CPXM2: variants seen among roughly 807,000 people sequenced by gnomAD.
CPXM2 encodes the protein carboxypeptidase X, M14 family member 2.
CPXM2 carries 66 observed loss-of-function variants against 86.1 expected under a neutral mutation model. The ratio of observed to expected loss-of-function variants is 0.77; its 90% CI spans 0.63 to 0.94. The LOEUF (loss-of-function observed/expected upper bound fraction) is 0.94, where lower values mean the gene tolerates loss of function less well. CPXM2 is among the 40% of genes least tolerant of loss of function. The probability of loss-of-function intolerance (pLI) is 0.00; values close to 1 mark genes in which losing one functional copy is unlikely to be tolerated. For missense variants in CPXM2, 948 were observed against 1,026.3 expected (o/e 0.92, Z 1.04); for synonymous variants, 388 against 400.2 (o/e 0.97, Z 0.36).
At chr10:123,806,718 A>G (rs1346303270) in intron 4 of CPXM2, among the ~76,000 whole-genome samples, 1 of 152,138 alleles carries the variant, frequency 6.6e-6, no homozygotes, top group Non-Finnish European at 1.5e-5. Context: ...AAAGGGGAAC[A>G]AGGCACATCT....
chr10:123,860,400 T>C (rs1445368902), intron 3 of CPXM2, among the ~76,000 whole-genome samples: 1 of 152,204 alleles, frequency 6.6e-6, no homozygotes, highest in Non-Finnish European at 1.5e-5. Flanking sequence ...GCACTCAGCA[T>C]GCCTGTCTAC....
chr10:123,819,176 T>C (rs1490579604), intron 4 of CPXM2, among the ~76,000 whole-genome samples: 1 of 152,194 alleles, frequency 6.6e-6, no homozygotes, highest in African/African-American at 2.4e-5. Flanking sequence ...GAAATCAGTC[T>C]ACCATTCCAC....
intron 2 of CPXM2, among the ~76,000 whole-genome samples, chr10:123,878,284 C>CT (rs1254649623): frequency 1.4e-5 from 2 of 145,700 alleles, no homozygotes; most frequent in Non-Finnish European, 3.0e-5. Flanking sequence ...CCTCGACCCC[C>CT]TTTTTTTCTC....
intron 5 of CPXM2, 29 bp from the exon 6 acceptor site, chr10:123,798,155 A>T: frequency 6.4e-7 from 1 of 1,561,854 alleles, no homozygotes; most frequent in Non-Finnish European, 8.7e-7. Flanking sequence ...GAAAAGGAAA[A>T]TCTTTTAGTG....
In CPXM2 at chr10:123,842,508, T is replaced by A. The variant is rs1848409032; in HGVS notation, c.514-20A>T. 2 of 1,611,032 alleles carry A rather than the reference T, an allele frequency of 1.2e-6. No homozygotes were observed. On this transcript the variant is annotated intron_variant, in intron 3 of 13. Coordinates refer to ENST00000241305, the MANE Select transcript of CPXM2 (RefSeq NM_198148.3). ...GCCCGCCTAGAAAGAAAGAAAGCGG[T>A]GTTCTTCAAAAAGACTCTTAATTGA...
rs183248985 is a variant in CPXM2, at chr10:123,862,170, C to T, written c.513+444G>A. Among the ~76,000 whole-genome samples, 244 of 152,266 alleles carry T rather than the reference C, an allele frequency of 1.6e-3. 2 individuals carry two copies. Among genetic ancestry groups the T allele is most frequent in the Middle Eastern group, 0.014 (4 of 292 alleles). ...CCATGCAGGGCTTGACCCGGGGGAA[C>T]ACAATGGAGGGAGCCACAGGAAAGC... On this transcript the variant is annotated intron_variant, in intron 3 of 13. Coordinates refer to ENST00000241305, the MANE Select transcript of CPXM2 (RefSeq NM_198148.3).
At chr10:123,867,416 T>C (rs78196859) in intron 2 of CPXM2, among the ~76,000 whole-genome samples, 2,660 of 152,282 alleles carry the variant, frequency 0.017, 71 homozygotes, top group South Asian at 0.085. Context: ...ATACATAATA[T>C]TGAAATACTC....
intron 2 of CPXM2, among the ~76,000 whole-genome samples, chr10:123,938,510 G>A (rs1413965144): frequency 6.6e-6 from 1 of 152,184 alleles, no homozygotes; most frequent in African/African-American, 2.4e-5. Flanking sequence ...TTACTAGGAA[G>A]GGAACAATTT....
intron 4 of CPXM2, among the ~76,000 whole-genome samples, chr10:123,800,815 T>C (rs1411441797): frequency 6.6e-6 from 1 of 152,192 alleles, no homozygotes; most frequent in Non-Finnish European, 1.5e-5. Context: ...AATCCCCTAC[T>C]TATGTTTGAA....
intron 11 of CPXM2, among the ~76,000 whole-genome samples, chr10:123,759,535 G>A (rs17105947): frequency 0.041 from 6,202 of 152,230 alleles, 169 homozygotes; most frequent in African/African-American, 0.074. Flanking sequence ...CTGAGAATAC[G>A]TGGCCAGAGA....
intron 2 of CPXM2, among the ~76,000 whole-genome samples, chr10:123,867,978 C>A (rs1381223988): frequency 6.6e-6 from 1 of 152,164 alleles, no homozygotes; most frequent in African/African-American, 2.4e-5. Context: ...GCAAAGCATG[C>A]GAGCCACGTA....
intron 3 of CPXM2, among the ~76,000 whole-genome samples, chr10:123,843,707 G>T (rs1450926171): frequency 1.3e-5 from 2 of 152,094 alleles, no homozygotes; most frequent in Non-Finnish European, 2.9e-5. Flanking sequence ...CCAGCTATAG[G>T]CGTGAACAAC....
chr10:123,891,641 C>G lies in CPXM2; in HGVS notation c.19G>C (p.Ala7Pro). MSRPGTATPALALVLLA... is the reference protein window; with the variant it reads MSRPGTPTPALALVLLA... ...AGCACCAGGGCCAGCGCTGGGGTAG[C>G]GGTCCCCGGGCGGGACATGCCTGCT... is the stretch of plus-strand genomic sequence containing the variant. Residue 7 changes from alanine (A) to proline (P), a missense_variant, in exon 1 of 14, where the codon GCT becomes CCT. Coordinates refer to ENST00000241305, the MANE Select transcript of CPXM2 (RefSeq NM_198148.3). The surrounding 1 kb of genome is among the most constrained non-coding windows in gnomAD (Gnocchi z 5.6). 6.9e-7 allele frequency: 1 copy of G among 1,451,622 alleles called. No homozygotes were observed. The highest frequency in any genetic ancestry group is 9.1e-7 in the Non-Finnish European group (1 of 1,101,580). The allele number at this position is 1,451,622 out of a possible 1,614,324, so 89.9% of individuals were successfully genotyped here. A position where few individuals can be genotyped will look rare whatever the true frequency, so the allele number is the denominator to read the frequency against.
At chr10:123,753,984 G>C (rs571401950) in intron 13 of CPXM2, among the ~76,000 whole-genome samples, 1 of 152,296 alleles carries the variant, frequency 6.6e-6, no homozygotes, top group Admixed American at 6.5e-5. Flanking sequence ...ATTTATGTGA[G>C]GAATGATGGA....
chr10:123,898,074 G>A (rs1368161552), intron 2 of CPXM2, among the ~76,000 whole-genome samples: 1 of 152,220 alleles, frequency 6.6e-6, no homozygotes. Context: ...TCTCACTGAT[G>A]TTTCTGCAAG....
chr10:123,933,967 C>T (rs1247877571), intron 2 of CPXM2, among the ~76,000 whole-genome samples: 1 of 152,072 alleles, frequency 6.6e-6, no homozygotes, highest in Admixed American at 6.5e-5. Flanking sequence ...TGTGTCTGCT[C>T]AGAAATGAGT....
chr10:123,930,065 CCT>C (rs945180695), intron 2 of CPXM2, among the ~76,000 whole-genome samples: 16 of 152,336 alleles, frequency 1.1e-4, no homozygotes, highest in African/African-American at 3.1e-4. Context: ...CCCCTCCACC[CCT>C]GTCTTCCACG....
intron 10 of CPXM2, among the ~76,000 whole-genome samples, chr10:123,763,799 T>C (rs1846403288): frequency 6.6e-6 from 1 of 152,176 alleles, no homozygotes; most frequent in Admixed American, 6.5e-5. Context: ...TCTTTTACTG[T>C]CTTCTGGTAC....
intron 4 of CPXM2, among the ~76,000 whole-genome samples, chr10:123,830,355 C>T (rs1457801533): frequency 6.6e-6 from 1 of 152,146 alleles, no homozygotes; most frequent in Non-Finnish European, 1.5e-5. Flanking sequence ...CTGGTTAGAC[C>T]TTCTCCCTCC....
Sources: allele counts gnomAD v4.1 joint callset (sites outside exome capture counted in the v4.1 genomes callset), GRCh38; gene constraint gnomAD v4.1.1; non-coding constraint Gnocchi (gnomAD v3.1); transcripts MANE v1.5; gene names NCBI Gene and HGNC (gene_info 2026-07-23, HGNC 2026-07-21).